ZNF266: variants seen among roughly 807,000 people sequenced by gnomAD.
ZNF266 encodes zinc finger protein 266, also known as zinc finger protein 1.
ZNF266 carries 16 observed loss-of-function variants against 16.4 expected under a neutral mutation model. The ratio of observed to expected loss-of-function variants is 0.98; its 90% CI spans 0.66 to 1.48. The LOEUF (loss-of-function observed/expected upper bound fraction) is 1.48. ZNF266 is among the 40% of genes most tolerant of loss of function. ZNF266 has a pLI of 0.00. For synonymous variants in ZNF266, 262 were observed against 237.9 expected (o/e 1.10, Z -0.93); for missense variants, 738 against 689.1 (o/e 1.07, Z -0.79).
chr19:9,415,611 A>C, intron 10 of ZNF266, 43 bp downstream of exon 10: 1 of 1,482,288 alleles, frequency 6.7e-7, no homozygotes, highest in Non-Finnish European at 9.4e-7. Context: ...ATCCCCAATC[A>C]TCTCTAAATG....
chr19:9,428,498 G>T (rs755813398), intron 5 of ZNF266, among the ~76,000 whole-genome samples: 1 of 152,160 alleles, frequency 6.6e-6, no homozygotes, highest in Non-Finnish European at 1.5e-5. Context: ...GGCCACTGCT[G>T]ACCATTATAA....
chr19:9,413,672 G>A lies in ZNF266; in HGVS notation c.1454C>T (p.Ala485Val), dbSNP rs2068553059. The A allele has an allele frequency of 6.2e-6, 10 of 1,613,726 alleles. No homozygotes were observed. Among genetic ancestry groups the A allele is most frequent in the Middle Eastern group, 1.6e-4 (1 of 6,078 alleles). Residue 485 changes from alanine (A) to valine (V), a missense_variant, in exon 11 of 11, where the codon GCT becomes GTT. Ala to Val is a moderately conservative substitution (Grantham distance 64, BLOSUM62 0). Transcript: ENST00000592904. ...FECVKCGKAF[A>V]ISSNLSGHLR... ...ATGTCCACTAAGATTTGAAGAAATA[G>A]CAAAGGCTTTCCCACATTTGACACA... is the stretch of plus-strand genomic sequence containing the variant.
chr19:9,418,898 G>A lies in ZNF266; in HGVS notation c.109-267C>T. ...CTTGAGCAGATGCTAGATAAACACT[G>A]ATGAATGGAAAGATTATCTCAAAGG... is the stretch of plus-strand genomic sequence containing the variant. On this transcript the variant is annotated intron_variant, in intron 7 of 10. Transcript: ENST00000592904. 1.5e-5 allele frequency: 4 copies of A among 261,210 alleles called. No individual in the cohort carries two copies. In the South Asian group the frequency reaches 2.6e-4, roughly 17 times the overall value. 16.2% of individuals were successfully genotyped at this position (261,210 alleles called of 1,614,324 possible).
chr19:9,428,496 C>T (rs750103584), intron 5 of ZNF266, among the ~76,000 whole-genome samples: 3 of 152,224 alleles, frequency 2.0e-5, no homozygotes, highest in African/African-American at 4.8e-5. Context: ...AAGGCCACTG[C>T]TGACCATTAT....
intron 5 of ZNF266, among the ~76,000 whole-genome samples, chr19:9,425,587 T>C (rs2070624075): frequency 6.6e-6 from 1 of 152,194 alleles, no homozygotes; most frequent in African/African-American, 2.4e-5. Context: ...CTTGGCCTGT[T>C]TACTACCTGG....
In ZNF266 at chr19:9,413,129, G is replaced by A; in HGVS notation, c.*146C>T. 1 of 955,998 alleles carries A rather than the reference G, an allele frequency of 1.0e-6. No homozygotes were observed. Among genetic ancestry groups the A allele is most frequent in the Non-Finnish European group, 1.5e-6 (1 of 663,188 alleles). The allele number at this position is 955,998 out of a possible 1,614,324, so 59.2% of individuals were successfully genotyped here. On this transcript the variant is annotated 3_prime_UTR_variant, in exon 11 of 11. Coordinates refer to ENST00000592904, the MANE Select transcript of ZNF266 (RefSeq NM_001370374.1). ...GTCATTTCCACATTCCCTGATGCAG[G>A]GTCTTCTCCACTGTGAATTCATATG...
At chr19:9,422,326 C>T (rs1455275769) in intron 5 of ZNF266, among the ~76,000 whole-genome samples, 1 of 152,126 alleles carries the variant, frequency 6.6e-6, no homozygotes, top group Non-Finnish European at 1.5e-5. Flanking sequence ...CCTAAAGGCA[C>T]CCAGTGATGG....
intron 9 of ZNF266, among the ~76,000 whole-genome samples, chr19:9,417,619 C>G (rs1221665695): frequency 6.6e-6 from 1 of 152,042 alleles, no homozygotes; most frequent in Non-Finnish European, 1.5e-5. Flanking sequence ...CCCAGCTACT[C>G]AGGGGGCTGA....
At chr19:9,427,124 T>C (rs6512123) in intron 5 of ZNF266, among the ~76,000 whole-genome samples, 92,517 of 151,832 alleles carry the variant, frequency 0.61, 28,817 homozygotes, top group African/African-American at 0.73. Flanking sequence ...ACTGCTTCTC[T>C]ATTTGACAGC....
rs909231509 is a variant in ZNF266 at position 9,414,002 on chromosome 19, G to A, written c.1124C>T (p.Ser375Phe). ...CKECGIAFTR[S>F]SQLTEHLKTH... The stretch of plus-strand genomic sequence containing the variant: ...TTTTAAATGTTCAGTAAGTTGAGAA[G>A]ATCTAGTGAAGGCTATCCCACATTC... Residue 375 changes from serine to phenylalanine, a missense_variant, in exon 11 of 11, where the codon TCT becomes TTT. By Grantham distance (155) the Ser-to-Phe change is radical (BLOSUM62 -2). Coordinates refer to ENST00000592904, the MANE Select transcript of ZNF266 (RefSeq NM_001370374.1). 20 of 1,614,192 alleles carry A rather than the reference G, an allele frequency of 1.2e-5. No individual in the cohort carries two copies. Among genetic ancestry groups the A allele is most frequent in the Non-Finnish European group, 1.6e-5 (19 of 1,180,050 alleles).
At chr19:9,421,199 C>A (rs1231273470) in intron 5 of ZNF266, among the ~76,000 whole-genome samples, 1 of 152,130 alleles carries the variant, frequency 6.6e-6, no homozygotes, top group African/African-American at 2.4e-5. Flanking sequence ...GATACACCCC[C>A]ACAAGGACGC....
At chr19:9,424,379 G>C (rs1288651135) in intron 5 of ZNF266, among the ~76,000 whole-genome samples, 1 of 152,192 alleles carries the variant, frequency 6.6e-6, no homozygotes, top group Non-Finnish European at 1.5e-5. Flanking sequence ...CCATAGAAAA[G>C]GTTAATGGAA....
chr19:9,433,035 C>A (rs534915565), intron 5 of ZNF266, among the ~76,000 whole-genome samples: 7 of 147,188 alleles, frequency 4.8e-5, no homozygotes, highest in African/African-American at 1.6e-4. Context: ...CAGCTCAGGG[C>A]ACACACACAC....
intron 10 of ZNF266, among the ~76,000 whole-genome samples, chr19:9,415,325 A>G (rs7245716): frequency 0.62 from 93,773 of 152,030 alleles, 29,686 homozygotes; most frequent in African/African-American, 0.75. Context: ...GTCAAGCTAG[A>G]TTTCAAGCAT....
intron 5 of ZNF266, among the ~76,000 whole-genome samples, chr19:9,433,034 G>GCA (rs145246209): frequency 0.017 from 2,576 of 152,126 alleles, 63 homozygotes; most frequent in African/African-American, 0.059. Flanking sequence ...ACAGCTCAGG[G>GCA]CACACACACA....
chr19:9,414,170 G>C lies in ZNF266; in HGVS notation c.956C>G (p.Ser319Cys). 1 of 1,613,324 alleles carries C rather than the reference G, an allele frequency of 6.2e-7. No homozygotes were observed. Among genetic ancestry groups the C allele is most frequent in the Non-Finnish European group, 8.5e-7 (1 of 1,179,726 alleles). Reference sequence around the variant, plus strand: ...TTTTCTGTGCTGAGTAAGTTGACAAGACCTGGTGAAGGCTTTCCCACACTC... The same window carrying C: ...TTTTCTGTGCTGAGTAAGTTGACAACACCTGGTGAAGGCTTTCCCACACTC... ...CKECGKAFTR[S>C]CQLTQHRKTH... Residue 319 changes from serine to cysteine, a missense_variant, in exon 11 of 11, where the codon TCT (serine) becomes TGT (cysteine). Coordinates refer to ENST00000592904, the MANE Select transcript of ZNF266 (RefSeq NM_001370374.1).
chr19:9,422,698 A>G (rs1183401096), intron 5 of ZNF266, among the ~76,000 whole-genome samples: 1 of 152,184 alleles, frequency 6.6e-6, no homozygotes, highest in Non-Finnish European at 1.5e-5. Flanking sequence ...AGTACCCGCT[A>G]AAAGTGCAGA....
chr19:9,413,147 T>A lies in ZNF266; in HGVS notation c.*128A>T. On this transcript the variant is annotated 3_prime_UTR_variant, in exon 11 of 11. Transcript: ENST00000592904. Reference sequence around the variant, plus strand: ...GATGCAGGGTCTTCTCCACTGTGAATTCATATGTGTTCATTAAGACCTGAG... The same window carrying A: ...GATGCAGGGTCTTCTCCACTGTGAAATCATATGTGTTCATTAAGACCTGAG... 3 of 1,189,002 alleles carry A rather than the reference T, an allele frequency of 2.5e-6. No individual in the cohort carries two copies. Among genetic ancestry groups the A allele is most frequent in the Non-Finnish European group, 3.5e-6 (3 of 854,402 alleles). The allele number at this position is 1,189,002 out of a possible 1,614,324, so 73.7% of individuals were successfully genotyped here. A position where few individuals can be genotyped will look rare whatever the true frequency, so the allele number is the denominator to read the frequency against.
chr19:9,427,486 A>AAT (rs754507768), intron 5 of ZNF266, among the ~76,000 whole-genome samples: 86 of 151,028 alleles, frequency 5.7e-4, no homozygotes, highest in African/African-American at 9.7e-4. Context: ...ATGCCCAGCT[A>AAT]ATATATATAT....
Sources: allele counts gnomAD v4.1 joint callset (sites outside exome capture counted in the v4.1 genomes callset), GRCh38; gene constraint gnomAD v4.1.1; transcripts MANE v1.5; gene names NCBI Gene and HGNC (gene_info 2026-07-23, HGNC 2026-07-21).